SETD2: variants seen among roughly 807,000 people sequenced by gnomAD.
SETD2 encodes histone-lysine N-methyltransferase SETD2.
SETD2 carries 31 observed loss-of-function variants against 242.1 expected under a neutral mutation model. The ratio of observed to expected loss-of-function variants is 0.13; its 90% CI spans 0.10 to 0.17. The LOEUF is 0.17. SETD2 is among the 10% of genes least tolerant of loss of function. The pLI is 1.00. For synonymous variants in SETD2, 1,006 were observed against 1,066.5 expected, an observed-to-expected ratio of 0.94 and a Z score of 1.11; for missense variants, 2,481 against 3,046.3, an observed-to-expected ratio of 0.81 and a Z score of 4.37.
Position 47,046,506 on chromosome 3 carries a change from T to C in SETD2, c.7079A>G (p.Gln2360Arg). 6.2e-7 allele frequency: 1 copy of C among 1,607,092 alleles called. No homozygotes were observed. The highest frequency in any genetic ancestry group is 2.2e-5 in the East Asian group (1 of 44,624). Reference sequence around the variant, plus strand: ...TCTTACTGGCTGCAAGGGCTGAGGCTGCCCTGGTGCAACTATTGTAGTCAC... The same window carrying C: ...TCTTACTGGCTGCAAGGGCTGAGGCCGCCCTGGTGCAACTATTGTAGTCAC... ...AAVTTIVAPG[Q>R]PQPLQPSEMV... Residue 2360 changes from glutamine (Q) to arginine (R), a missense_variant, in exon 16 of 21, where the codon CAG becomes CGG. Gln to Arg is a conservative substitution (Grantham distance 43). Transcript: ENST00000409792.
chr3:47,046,348 A>T lies in SETD2; in HGVS notation c.7098+139T>A, dbSNP rs548803421. Reference sequence around the variant, plus strand: ...CGAGACTCTGTCTCAAAAAAAAAATAAAATAAAATAAAATAAAACAAAGAA... The same window carrying T: ...CGAGACTCTGTCTCAAAAAAAAAATTAAATAAAATAAAATAAAACAAAGAA... On this transcript the variant is annotated intron_variant, in intron 16 of 20. Coordinates refer to ENST00000409792, the MANE Select transcript of SETD2 (RefSeq NM_014159.7). 146 of 709,054 alleles carry T rather than the reference A, an allele frequency of 2.1e-4. No individual in the cohort carries two copies. The South Asian group carries it at 2.1e-3, about 10-fold the overall frequency. The allele number at this position is 709,054 out of a possible 1,614,324, so 43.9% of individuals were successfully genotyped here. A position where few individuals can be genotyped will look rare whatever the true frequency, so the allele number is the denominator to read the frequency against.
chr3:47,128,877 G>T (rs1251657679), intron 1 of SETD2, among the ~76,000 whole-genome samples: 1 of 152,078 alleles, frequency 6.6e-6, no homozygotes, highest in Non-Finnish European at 1.5e-5. Context: ...ATTTAAATTA[G>T]TACCATTTGA....
At chr3:47,159,668 T>TA (rs1401252604) in intron 1 of SETD2, among the ~76,000 whole-genome samples, 3 of 152,320 alleles carry the variant, frequency 2.0e-5, no homozygotes, top group Admixed American at 1.3e-4. Flanking sequence ...AGAATGGCTT[T>TA]ACAAGACTGT....
chr3:47,144,597 C>T (rs2043810569), intron 1 of SETD2, among the ~76,000 whole-genome samples: 1 of 152,092 alleles, frequency 6.6e-6, no homozygotes, highest in Non-Finnish European at 1.5e-5. Context: ...GAGCCGAGTT[C>T]GCACCACTGC....
intron 13 of SETD2, among the ~76,000 whole-genome samples, chr3:47,063,618 T>C (rs775732542): frequency 4.6e-5 from 7 of 152,186 alleles, no homozygotes; most frequent in African/African-American, 7.2e-5. Context: ...CCCAATTCCA[T>C]TCCAGTGCTC....
At chr3:47,040,297 C>T (rs183710980) in intron 17 of SETD2, among the ~76,000 whole-genome samples, 1 of 151,932 alleles carries the variant, frequency 6.6e-6, no homozygotes, top group Admixed American at 6.6e-5. Context: ...CATTTTAATG[C>T]GAGTAAGGAA....
chr3:47,092,197 C>T lies in SETD2; in HGVS notation c.5143-3950G>A, dbSNP rs1052279819. ...TGAATAACCCTTGAACATTCCTCAG[C>T]GGTTATACTGTAACACACATACACA... is the stretch of plus-strand genomic sequence containing the variant. On this transcript the variant is annotated intron_variant, in intron 9 of 20. Transcript: ENST00000409792. Among the ~76,000 whole-genome samples the T allele has an allele frequency of 2.0e-5, 3 of 152,074 alleles. 1 individual carries two copies. The highest frequency in any genetic ancestry group is 4.4e-5 in the Non-Finnish European group (3 of 68,014).
chr3:47,087,847 T>C (rs944477946), intron 10 of SETD2, among the ~76,000 whole-genome samples: 1 of 124,840 alleles, frequency 8.0e-6, no homozygotes, highest in Non-Finnish European at 1.7e-5. Flanking sequence ...CTGGCGCCTG[T>C]AATCCCAGCT....
chr3:47,162,831 G>T (rs1697531079), intron 1 of SETD2, among the ~76,000 whole-genome samples: 1 of 152,158 alleles, frequency 6.6e-6, no homozygotes, highest in African/African-American at 2.4e-5. Context: ...GTCTCGTGAG[G>T]GTTCAGGGAA....
intron 1 of SETD2, chr3:47,145,435 G>A (rs1203509447): frequency 2.9e-6 from 1 of 344,696 alleles, no homozygotes; most frequent in Admixed American, 2.9e-5. Context: ...TTGTTGCCCA[G>A]GCTGGAGCAA....
chr3:47,142,026 T>C (rs2043741665), intron 1 of SETD2, among the ~76,000 whole-genome samples: 1 of 152,170 alleles, frequency 6.6e-6, no homozygotes, highest in African/African-American at 2.4e-5. Context: ...AGGATGATTG[T>C]GAATTACAAT....
At chr3:47,117,156 C>A (rs563944609) in intron 3 of SETD2, among the ~76,000 whole-genome samples, 1 of 151,728 alleles carries the variant, frequency 6.6e-6, no homozygotes, top group Admixed American at 6.6e-5. Context: ...TGATCCACTA[C>A]GCCTGGCTAG....
In SETD2 at chr3:47,050,723, C is replaced by CTTTTTTTTTTTTT. The variant is rs775259096; in HGVS notation, c.6964-4115_6964-4103dup. On this transcript the variant is annotated intron_variant, in intron 15 of 20. Coordinates refer to ENST00000409792, the MANE Select transcript of SETD2 (RefSeq NM_014159.7). Reference sequence around the variant, plus strand: ...CTCAACCTGTATACATTTCCTCTCTCTTTTTTTTTTTTTTTTTTTTTTTTT... The same window carrying CTTTTTTTTTTTTT: ...CTCAACCTGTATACATTTCCTCTCTCTTTTTTTTTTTTTTTTTTTTTTTTTTTTTTTTTTTTTT... Among the ~76,000 whole-genome samples, 191 of 66,882 alleles carry CTTTTTTTTTTTTT rather than the reference C, an allele frequency of 2.9e-3. 30 individuals are homozygous for CTTTTTTTTTTTTT. Among genetic ancestry groups the CTTTTTTTTTTTTT allele is most frequent in the South Asian group, 4.1e-3 (6 of 1,476 alleles). 43.9% of individuals were successfully genotyped at this position (66,882 alleles called of 152,430 possible).
chr3:47,051,408 C>G lies in SETD2; in HGVS notation c.6964-4787G>C, dbSNP rs562498430. Among the ~76,000 whole-genome samples the G allele has an allele frequency of 5.3e-5, 8 of 152,170 alleles. No individual in the cohort carries two copies. The South Asian group carries it at 1.7e-3, about 32-fold the overall frequency. On this transcript the variant is annotated intron_variant, in intron 15 of 20. Coordinates refer to ENST00000409792, the MANE Select transcript of SETD2 (RefSeq NM_014159.7). ...GCATGAGCCACCATGCCTGGCCAGT[C>G]TCCTACTTTTGCCCTTGACTCCTGC...
rs1476227646 is a variant in SETD2, at chr3:47,062,359, G to C, written c.6110-13C>G. On this transcript the variant is annotated splice_polypyrimidine_tract_variant and intron_variant, in intron 13 of 20. Coordinates refer to ENST00000409792, the MANE Select transcript of SETD2 (RefSeq NM_014159.7). Reference sequence around the variant, plus strand: ...CCTCGTTCAGTTGCTAAGGGAAAAGGGTGGTTTGTTTGTTTTTTTTTTTTT... The same window carrying C: ...CCTCGTTCAGTTGCTAAGGGAAAAGCGTGGTTTGTTTGTTTTTTTTTTTTT... 3.9e-6 allele frequency: 6 copies of C among 1,531,934 alleles called. No homozygotes were observed. Among genetic ancestry groups the C allele is most frequent in the Admixed American group, 4.6e-5 (2 of 43,592 alleles). The allele number at this position is 1,531,934 out of a possible 1,614,324, so 94.9% of individuals were successfully genotyped here.
intron 15 of SETD2, among the ~76,000 whole-genome samples, chr3:47,049,741 TATATTA>T (rs1413785415): frequency 2.0e-4 from 8 of 39,808 alleles, no homozygotes; most frequent in Non-Finnish European, 4.9e-4. Context: ...GTTTATATTA[TATATTA>T]TATATATAAA....
intron 15 of SETD2, among the ~76,000 whole-genome samples, chr3:47,049,276 A>AT (rs2039681307): frequency 7.5e-6 from 1 of 134,058 alleles, no homozygotes; most frequent in Non-Finnish European, 1.6e-5. Context: ...TTCTTATTCT[A>AT]TAAGTTTTTT....
intron 4 of SETD2, among the ~76,000 whole-genome samples, chr3:47,116,405 A>C (rs963429718): frequency 2.6e-5 from 4 of 152,218 alleles, no homozygotes; most frequent in African/African-American, 9.6e-5. Context: ...CAAGCACTTA[A>C]AACATGGTGG....
chr3:47,101,137 G>A (rs2042196199), intron 8 of SETD2, among the ~76,000 whole-genome samples: 1 of 151,686 alleles, frequency 6.6e-6, no homozygotes, highest in Admixed American at 6.6e-5. Flanking sequence ...GGATACAGAG[G>A]AATTTATAAT....
Sources: allele counts gnomAD v4.1 joint callset (sites outside exome capture counted in the v4.1 genomes callset), GRCh38; gene constraint gnomAD v4.1.1; transcripts MANE v1.5; gene names NCBI Gene and HGNC (gene_info 2026-07-23, HGNC 2026-07-21).